CD38: variants seen among roughly 807,000 people sequenced by gnomAD.
The protein encoded by CD38 is ADP-ribosyl cyclase/cyclic ADP-ribose hydrolase 1.
Under a neutral mutation model 36.3 loss-of-function variants are expected in CD38, and 31 were observed. The ratio of observed to expected loss-of-function variants is 0.85; its 90% confidence interval spans 0.64 to 1.15. The LOEUF is 1.15. Ranked by LOEUF, CD38 falls within the 50% of genes most tolerant of loss-of-function variation. The pLI is 0.00. For missense variants in CD38, 380 were observed against 371.9 expected (o/e 1.02, Z -0.18); for synonymous variants, 131 against 135.2 (o/e 0.97, Z 0.22).
chr4:15,787,036 C>T (rs890673178), intron 1 of CD38, among the ~76,000 whole-genome samples: 1 of 152,240 alleles, frequency 6.6e-6, no homozygotes, highest in Non-Finnish European at 1.5e-5. Context: ...AGAGTGCGGC[C>T]TGGGGAGCCC....
intron 1 of CD38, among the ~76,000 whole-genome samples, chr4:15,785,922 C>G (rs1209959392): frequency 6.6e-6 from 1 of 152,112 alleles, no homozygotes; most frequent in Non-Finnish European, 1.5e-5. Context: ...CTGGTGGGCT[C>G]GTGGTCTCGC....
intron 1 of CD38, among the ~76,000 whole-genome samples, chr4:15,796,122 A>C (rs1723099124): frequency 6.6e-6 from 1 of 152,112 alleles, no homozygotes; most frequent in Admixed American, 6.5e-5. Flanking sequence ...GGGAATTCTT[A>C]ATAAAGGCAA....
intron 1 of CD38, among the ~76,000 whole-genome samples, chr4:15,801,661 T>A (rs1373262223): frequency 6.6e-6 from 1 of 151,994 alleles, no homozygotes; most frequent in Non-Finnish European, 1.5e-5. Flanking sequence ...ACAAACATAA[T>A]ACATCCCATC....
intron 3 of CD38, 74 bp downstream of exon 3, chr4:15,825,090 A>G: frequency 6.8e-7 from 1 of 1,479,674 alleles, no homozygotes; most frequent in Non-Finnish European, 9.2e-7. Context: ...GGAGGCCCTG[A>G]ATGATTAGTG....
Position 15,838,077 on chromosome 4 carries a change from A to AT in CD38, c.586-4dup, listed in dbSNP as rs113665761. On this transcript the variant is annotated splice_polypyrimidine_tract_variant and intron_variant, in intron 4 of 7. Transcript: ENST00000226279. ...TAAGTTTGCATGATGAATGGTGGGC[A>AT]TTTTTTTTTTTAAGTTTGCAGAAGC... 5,090 of 1,231,190 alleles carry AT rather than the reference A, an allele frequency of 4.1e-3. No individual in the cohort carries two copies. Among genetic ancestry groups the AT allele is most frequent in the Non-Finnish European group, 4.8e-3 (4,258 of 887,528 alleles). The allele number at this position is 1,231,190 out of a possible 1,614,324, so 76.3% of individuals were successfully genotyped here. A position where few individuals can be genotyped will look rare whatever the true frequency, so the allele number is the denominator to read the frequency against.
intron 3 of CD38, among the ~76,000 whole-genome samples, chr4:15,828,137 C>T (rs945200842): frequency 2.6e-5 from 4 of 152,128 alleles, no homozygotes; most frequent in South Asian, 2.1e-4. Flanking sequence ...ACCTTAGCCT[C>T]CCAGGTAGCT....
At chr4:15,840,368 T>A in intron 6 of CD38, 84 bp from the exon 7 acceptor site, 1 of 915,026 alleles carries the variant, frequency 1.1e-6, no homozygotes, top group Non-Finnish European at 1.8e-6. Context: ...AAGGGCCTTG[T>A]CCAGGGCGTG....
chr4:15,803,460 A>G (rs1435882897), intron 1 of CD38, among the ~76,000 whole-genome samples: 2 of 152,216 alleles, frequency 1.3e-5, no homozygotes, highest in Non-Finnish European at 2.9e-5. Flanking sequence ...AAAATCGGCA[A>G]TTGATCTGAA....
At chr4:15,782,646 A>C (rs1017853544) in intron 1 of CD38, among the ~76,000 whole-genome samples, 1 of 152,240 alleles carries the variant, frequency 6.6e-6, no homozygotes, top group Non-Finnish European at 1.5e-5. Context: ...ATACTTCCCC[A>C]GTGAACGACC....
chr4:15,798,632 C>T (rs537822592), intron 1 of CD38, among the ~76,000 whole-genome samples: 17 of 152,324 alleles, frequency 1.1e-4, no homozygotes, highest in African/African-American at 3.1e-4. Context: ...ACGGAACCAA[C>T]GGCGTCTGCC....
At chr4:15,792,467 A>G (rs1723025245) in intron 1 of CD38, among the ~76,000 whole-genome samples, 1 of 149,172 alleles carries the variant, frequency 6.7e-6, no homozygotes, top group Non-Finnish European at 1.5e-5. Context: ...AGAAAAAAAA[A>G]GAAAAGAAAA....
At chr4:15,837,546 T>C (rs112771174) in intron 4 of CD38, among the ~76,000 whole-genome samples, 23 of 152,306 alleles carry the variant, frequency 1.5e-4, no homozygotes, top group Non-Finnish European at 3.1e-4. Flanking sequence ...TAACAAAGAT[T>C]CCTGCTGAAT....
intron 2 of CD38, among the ~76,000 whole-genome samples, chr4:15,820,010 T>C (rs1053103874): frequency 8.5e-5 from 13 of 152,334 alleles, no homozygotes; most frequent in African/African-American, 2.6e-4. Context: ...AGCAGAAACC[T>C]ACAAGCCAGA....
rs940990896 is a variant in CD38, at chr4:15,851,125, C to G, written c.*2523C>G. ...CAGTGCTTTAGAGGGTCCCAGGGAG[C>G]CACAGAGGTGGTGAGGGGCTGGGTG... is the stretch of plus-strand genomic sequence containing the variant. On this transcript the variant is annotated 3_prime_UTR_variant, in exon 8 of 8. Coordinates refer to ENST00000226279, the MANE Select transcript of CD38 (RefSeq NM_001775.4). 1.3e-5 allele frequency: 2 copies of G among 152,278 alleles called. No individual in the cohort carries two copies. Among genetic ancestry groups the G allele is most frequent in the Non-Finnish European group, 2.9e-5 (2 of 68,168 alleles). 9.4% of individuals were successfully genotyped at this position (152,278 alleles called of 1,614,324 possible).
chr4:15,791,441 C>T (rs1322356870), intron 1 of CD38, among the ~76,000 whole-genome samples: 1 of 25,494 alleles, frequency 3.9e-5, no homozygotes, highest in Admixed American at 2.0e-4. Flanking sequence ...GTGAGGACCC[C>T]TCTGCCCGGC....
rs1189495955 is a variant in CD38, at chr4:15,825,033, T to C, written c.499+17T>C. 3 of 1,594,312 alleles carry C rather than the reference T, an allele frequency of 1.9e-6. No individual in the cohort carries two copies. The highest frequency in any genetic ancestry group is 1.8e-5 in the Admixed American group (1 of 56,192). On this transcript the variant is annotated intron_variant, in intron 3 of 7. Transcript: ENST00000226279. ...ACACTTCCAGTGAGGCTCTGGGCCC[T>C]GTGGGATTGCCCAGGGATGTGGAGG...
At chr4:15,811,670 GAT>G (rs1723474454) in intron 1 of CD38, among the ~76,000 whole-genome samples, 1 of 57,894 alleles carries the variant, frequency 1.7e-5, no homozygotes, top group South Asian at 4.0e-4. Context: ...CTGCCTGACA[GAT>G]AGGGAAGCCA....
At chr4:15,794,530 T>A (rs768922758) in intron 1 of CD38, among the ~76,000 whole-genome samples, 1 of 152,306 alleles carries the variant, frequency 6.6e-6, no homozygotes, top group African/African-American at 2.4e-5. Flanking sequence ...GTGATTCTGA[T>A]TGGCCAAGTA....
intron 1 of CD38, among the ~76,000 whole-genome samples, chr4:15,793,818 A>G (rs986806695): frequency 5.9e-5 from 9 of 152,224 alleles, no homozygotes; most frequent in Admixed American, 5.9e-4. Context: ...GTGATTTGCC[A>G]TGGGCTAATA....
Sources: gnomAD v4.1 joint callset for allele counts (sites outside exome capture counted in the v4.1 genomes callset) on GRCh38, gnomAD v4.1.1 for gene constraint, MANE v1.5 for transcripts, NCBI Gene and HGNC (gene_info 2026-07-23, HGNC 2026-07-21) for gene names.